Variants in ZNF467 observed in about 807,000 individuals in gnomAD.
ZNF467 encodes zinc finger protein 467.
A neutral mutation model predicts 47.8 loss-of-function variants in ZNF467; 51 were observed. That is an observed-to-expected ratio of 1.07 (90% CI 0.85 to 1.35). The LOEUF (loss-of-function observed/expected upper bound fraction) is 1.35. Ranked by LOEUF, ZNF467 falls within the 40% of genes most tolerant of loss-of-function variation. The pLI, the probability that ZNF467 is intolerant of heterozygous loss-of-function variation, is 0.00. For missense variants in ZNF467, 992 were observed against 858.1 expected, an observed-to-expected ratio of 1.16 and a Z score of -1.95; for synonymous variants, 416 against 372.9, an observed-to-expected ratio of 1.12 and a Z score of -1.33.
intron 4 of ZNF467, among the ~76,000 whole-genome samples, chr7:149,768,613 T>TGA (rs1354603161): frequency 6.6e-6 from 1 of 152,110 alleles, no homozygotes; most frequent in Non-Finnish European, 1.5e-5. Flanking sequence ...GTGGGATTGT[T>TGA]GAGAGAGAGT....
In ZNF467 at chr7:149,764,604, G is replaced by A; in HGVS notation, c.*110C>T. 6.5e-7 allele frequency: 1 copy of A among 1,540,060 alleles called. No homozygotes were observed. Among genetic ancestry groups the A allele is most frequent in the Non-Finnish European group, 8.8e-7 (1 of 1,139,680 alleles). The stretch of plus-strand genomic sequence containing the variant: ...GCGGGAAGGAAACAGGTGTCCCGCG[G>A]CGGCCAAACCTTCGGGCAGCAGCCC... On this transcript the variant is annotated 3_prime_UTR_variant, in exon 5 of 5. Transcript: ENST00000302017.
At position 149,766,035 on chromosome 7, in the gene ZNF467, G is replaced by T; in HGVS notation, c.467C>A (p.Pro156Gln). The change falls in exon 5 of 5, where the codon CCG becomes CAG. Residue 156 changes from proline to glutamine, a missense_variant. Transcript: ENST00000302017. ...CTCCCCGCAGCCGTAGGGCTTCTCC[G>T]GCATCGGACCCCACCCAGACAGCGC... The part of the protein sequence containing the change: ...GLALSGWGPM[P>Q]EKPYGCGECE... 1 of 1,593,468 alleles carries T rather than the reference G, an allele frequency of 6.3e-7. No homozygotes were observed. Among genetic ancestry groups the T allele is most frequent in the Non-Finnish European group, 8.5e-7 (1 of 1,169,788 alleles).
intron 2 of ZNF467, 70 bp from the exon 3 acceptor site, chr7:149,770,626 G>C (rs1478148327): frequency 8.1e-6 from 11 of 1,359,064 alleles, no homozygotes; most frequent in Admixed American, 8.0e-5. Context: ...GGCGGGGGCT[G>C]TTCCCCTTCC....
intron 3 of ZNF467, 113 bp downstream of exon 3, chr7:149,770,327 G>A (rs2117448110): frequency 1.6e-6 from 1 of 625,002 alleles, no homozygotes; most frequent in East Asian, 2.9e-5. Context: ...AGGAAGGAAG[G>A]AAAGAAGGAA....
rs531754070 is a variant in ZNF467 at position 149,764,605 on chromosome 7, C to T, written c.*109G>A. On this transcript the variant is annotated 3_prime_UTR_variant, in exon 5 of 5. Coordinates refer to ENST00000302017, the MANE Select transcript of ZNF467 (RefSeq NM_207336.3). ...CGGGAAGGAAACAGGTGTCCCGCGG[C>T]GGCCAAACCTTCGGGCAGCAGCCCA... 3.9e-6 allele frequency: 6 copies of T among 1,539,096 alleles called. No individual in the cohort carries two copies. Among genetic ancestry groups the T allele is most frequent in the Non-Finnish European group, 5.3e-6 (6 of 1,138,832 alleles).
chr7:149,764,998 G>C lies in ZNF467; in HGVS notation c.1504C>G (p.Leu502Val), dbSNP rs746621561. ...CGRRFSRKSH[L>V]GRHQAVHTGS... ...GTGTGCACCGCCTGGTGGCGGCCCA[G>C]GTGCGACTTGCGGCTGAAGCGGCGG... The change falls in exon 5 of 5, where the codon CTG becomes GTG. Residue 502 changes from leucine to valine, a missense_variant. Leu to Val is a conservative substitution (Grantham distance 32). Coordinates refer to ENST00000302017, the MANE Select transcript of ZNF467 (RefSeq NM_207336.3). 6.9e-5 allele frequency: 109 copies of C among 1,589,530 alleles called. No homozygotes were observed. The highest frequency in any genetic ancestry group is 2.3e-5 in the East Asian group (1 of 44,346).
chr7:149,775,204 C>T (rs1799541680), upstream of ZNF467, among the ~76,000 whole-genome samples: 1 of 152,226 alleles, frequency 6.6e-6, no homozygotes, highest in Non-Finnish European at 1.5e-5. Context: ...GTTCTAGACC[C>T]CAGAGACTCT....
intron 1 of ZNF467, 142 bp downstream of exon 1, chr7:149,772,966 G>A (rs1659458): frequency 1.7e-5 from 2 of 118,174 alleles, no homozygotes; most frequent in South Asian, 6.5e-4. Context: ...CGACCTCCCC[G>A]GACCCGCGCC....
In ZNF467 at chr7:149,765,271, C is replaced by A. The variant is rs1244504080; in HGVS notation, c.1231G>T (p.Gly411Cys). Residue 411 changes from glycine (G) to cysteine (C), a missense_variant, in exon 5 of 5, where the codon GGC becomes TGC. Coordinates refer to ENST00000302017, the MANE Select transcript of ZNF467 (RefSeq NM_207336.3). ...KPLASAPGGP[G>C]CGPGSDPVVP... The stretch of plus-strand genomic sequence containing the variant: ...ACGGGATCGGATCCTGGGCCGCAGC[C>A]CGGTCCGCCAGGCGCGCTGGCCAGG... 24 of 1,459,952 alleles carry A rather than the reference C, an allele frequency of 1.6e-5. No homozygotes were observed. The highest frequency in any genetic ancestry group is 2.2e-5 in the Non-Finnish European group (24 of 1,106,258). The allele number at this position is 1,459,952 out of a possible 1,614,324, so 90.4% of individuals were successfully genotyped here. A position where few individuals can be genotyped will look rare whatever the true frequency, so the allele number is the denominator to read the frequency against.
At chr7:149,776,244 C>T, upstream of ZNF467, 1 of 1,132,880 alleles carries the variant, frequency 8.8e-7, no homozygotes, top group Non-Finnish European at 1.2e-6. Flanking sequence ...ACCTTAGCAT[C>T]CTCCTTACTT....
chr7:149,764,955 G>C lies in ZNF467; in HGVS notation c.1547C>G (p.Ala516Gly). ...QAVHTGSRPH[A>G]CAVCARSFSS... ...GAAGCTGCGGGCGCAGACGGCGCAG[G>C]CGTGGGGGCGGCTGCCAGTGTGCAC... The change falls in exon 5 of 5, where the codon GCC (alanine) becomes GGC (glycine). Residue 516 changes from alanine to glycine, a missense_variant. Coordinates refer to ENST00000302017, the MANE Select transcript of ZNF467 (RefSeq NM_207336.3). 4 of 1,588,658 alleles carry C rather than the reference G, an allele frequency of 2.5e-6. No individual in the cohort carries two copies. The highest frequency in any genetic ancestry group is 3.4e-6 in the Non-Finnish European group (4 of 1,173,686).
At chr7:149,775,360 C>T (rs966490731), upstream of ZNF467, among the ~76,000 whole-genome samples, 2 of 152,168 alleles carry the variant, frequency 1.3e-5, no homozygotes, top group Non-Finnish European at 2.9e-5. Flanking sequence ...AGAAGTGCTC[C>T]CACTCACTGC....
Position 149,765,879 on chromosome 7 carries a change from C to A in ZNF467, c.623G>T (p.Arg208Leu). ...GAAAGGCCGCTCGCCGCGGTGGCTG[C>A]GCTGATGCAGTAGCATGTGGGCGCG... ...TQRAHMLLHQ[R>L]SHRGERPFPC... The change falls in exon 5 of 5, where the codon CGC becomes CTC. Residue 208 changes from arginine (R) to leucine (L), a missense_variant. Transcript: ENST00000302017. The A allele has an allele frequency of 6.3e-7, 1 of 1,593,566 alleles. No homozygotes were observed. Among genetic ancestry groups the A allele is most frequent in the Non-Finnish European group, 8.5e-7 (1 of 1,170,842 alleles).
chr7:149,764,980 C>T lies in ZNF467; in HGVS notation c.1522G>A (p.Val508Met). 1.3e-6 allele frequency: 2 copies of T among 1,591,506 alleles called. No homozygotes were observed. Among genetic ancestry groups the T allele is most frequent in the Non-Finnish European group, 8.5e-7 (1 of 1,174,728 alleles). Residue 508 changes from valine to methionine, a missense_variant, in exon 5 of 5, where the codon GTG becomes ATG. By Grantham distance (21) the Val-to-Met change is conservative (BLOSUM62 1). Coordinates refer to ENST00000302017, the MANE Select transcript of ZNF467 (RefSeq NM_207336.3). ...GCGTGGGGGCGGCTGCCAGTGTGCA[C>T]CGCCTGGTGGCGGCCCAGGTGCGAC... ...RKSHLGRHQA[V>M]HTGSRPHACA...
At position 149,765,463 on chromosome 7, in the gene ZNF467, G is replaced by A. The variant is rs1379383102; in HGVS notation, c.1039C>T (p.Pro347Ser). 6.3e-7 allele frequency: 1 copy of A among 1,585,726 alleles called. No individual in the cohort carries two copies. Among genetic ancestry groups the A allele is most frequent in the Admixed American group, 1.8e-5 (1 of 54,722 alleles). Residue 347 changes from proline to serine, a missense_variant, in exon 5 of 5, where the codon CCA (proline) becomes TCA (serine). Coordinates refer to ENST00000302017, the MANE Select transcript of ZNF467 (RefSeq NM_207336.3). ...SPHSTAPSPT[P>S]SFPGPKPFAC... is the part of the protein sequence containing the mutation. ...AAAGGCTTTGGCCCGGGAAAGGATG[G>A]GGTCGGGGACGGGGCAGTGGAATGA...
chr7:149,765,882 T>C lies in ZNF467; in HGVS notation c.620A>G (p.Gln207Arg). 1 of 1,592,640 alleles carries C rather than the reference T, an allele frequency of 6.3e-7. No individual in the cohort carries two copies. ...AGGCCGCTCGCCGCGGTGGCTGCGC[T>C]GATGCAGTAGCATGTGGGCGCGCTG... ...FTQRAHMLLH[Q>R]RSHRGERPFP... The change falls in exon 5 of 5, where the codon CAG (glutamine) becomes CGG (arginine). Residue 207 changes from glutamine to arginine, a missense_variant. Gln to Arg is a conservative substitution (Grantham distance 43, BLOSUM62 1). Coordinates refer to ENST00000302017, the MANE Select transcript of ZNF467 (RefSeq NM_207336.3).
At chr7:149,772,021 C>G (rs906988107) in intron 1 of ZNF467, among the ~76,000 whole-genome samples, 5 of 147,620 alleles carry the variant, frequency 3.4e-5, no homozygotes, top group African/African-American at 1.3e-4. Flanking sequence ...GGTTCTCCCC[C>G]GCTCCATCTC....
chr7:149,764,947 C>T lies in ZNF467; in HGVS notation c.1555G>A (p.Val519Ile), dbSNP rs1263245166. Residue 519 changes from valine to isoleucine, a missense_variant, in exon 5 of 5, where the codon GTC becomes ATC. Transcript: ENST00000302017. ...HTGSRPHACA[V>I]CARSFSSKTN... ...TTGGAGCTGAAGCTGCGGGCGCAGACGGCGCAGGCGTGGGGGCGGCTGCCA... is the reference window on the plus strand; with the variant it reads ...TTGGAGCTGAAGCTGCGGGCGCAGATGGCGCAGGCGTGGGGGCGGCTGCCA... The T allele has an allele frequency of 1.9e-6, 3 of 1,581,336 alleles. No homozygotes were observed. Among genetic ancestry groups the T allele is most frequent in the East Asian group, 2.3e-5 (1 of 44,284 alleles).
Position 149,773,094 on chromosome 7 carries a change from T to A in ZNF467, c.-43+14A>T, listed in dbSNP as rs1350349735. 19 of 148,660 alleles carry A rather than the reference T, an allele frequency of 1.3e-4. No individual in the cohort carries two copies. The highest frequency in any genetic ancestry group is 4.7e-4 in the African/African-American group (19 of 40,114). 9.2% of individuals were successfully genotyped at this position (148,660 alleles called of 1,614,324 possible). A position where few individuals can be genotyped will look rare whatever the true frequency, so the allele number is the denominator to read the frequency against. On this transcript the variant is annotated intron_variant, in intron 1 of 4. Transcript: ENST00000302017. ...GGGCGGGGCCGCCTGCAGAGGAGCC[T>A]CCCCGGCCCTTACCTGGCTGGCCGG...
Sources: allele counts gnomAD v4.1 joint callset (sites outside exome capture counted in the v4.1 genomes callset), GRCh38; gene constraint gnomAD v4.1.1; transcripts MANE v1.5; gene names NCBI Gene and HGNC (gene_info 2026-07-23, HGNC 2026-07-21).